GCNT4: variants seen among roughly 807,000 people sequenced by gnomAD.
GCNT4 encodes the protein glucosaminyl (N-acetyl) transferase 4.
GCNT4 carries 17 observed loss-of-function variants against 31.3 expected under a neutral mutation model. The ratio of observed to expected loss-of-function variants is 0.54; its 90% CI spans 0.37 to 0.81. GCNT4 has a LOEUF of 0.81. Among genes scored for constraint, GCNT4 ranks in the 40% least tolerant of loss-of-function variants. GCNT4 has a pLI of 0.00. For missense variants in GCNT4, 503 were observed against 525.5 expected (o/e 0.96, Z 0.42); for synonymous variants, 158 against 190.6 (o/e 0.83, Z 1.41).
At chr5:75,042,728 T>C (rs114853321) in intron 3 of GCNT4, among the ~76,000 whole-genome samples, 2,030 of 152,308 alleles carry the variant, frequency 0.013, 18 homozygotes, top group Non-Finnish European at 0.02. Context: ...TCTTCCAATG[T>C]GGTGGGGAGC....
intron 3 of GCNT4, among the ~76,000 whole-genome samples, chr5:75,033,672 T>A (rs915919562): frequency 4.1e-5 from 6 of 147,648 alleles, no homozygotes; most frequent in African/African-American, 1.0e-4. Flanking sequence ...TTTATTTATT[T>A]ATTTTTTTTT....
At chr5:75,039,819 A>C (rs1373604877) in intron 3 of GCNT4, among the ~76,000 whole-genome samples, 2 of 152,200 alleles carry the variant, frequency 1.3e-5, no homozygotes, top group Non-Finnish European at 2.9e-5. Flanking sequence ...ACTGTAGCCA[A>C]AATGATTTTT....
chr5:75,053,231 C>T (rs981310726), upstream of GCNT4, among the ~76,000 whole-genome samples: 14 of 151,864 alleles, frequency 9.2e-5, no homozygotes, highest in Non-Finnish European at 2.1e-4. Flanking sequence ...GGTCGCCCAC[C>T]CGGCCCGTGA....
intron 2 of GCNT4, among the ~76,000 whole-genome samples, 192 bp from the exon 3 acceptor site, chr5:75,048,229 C>A (rs1219703970): frequency 6.6e-6 from 1 of 152,030 alleles, no homozygotes; most frequent in Non-Finnish European, 1.5e-5. Context: ...AACCCCTCAA[C>A]CAGGATATCA....
Position 75,026,412 on chromosome 5 carries a change from C to T in GCNT4, c.*2264G>A, listed in dbSNP as rs1451898386. 6.6e-6 allele frequency: 1 copy of T among 152,026 alleles called. No individual in the cohort carries two copies. The allele number at this position is 152,026 out of a possible 1,614,324, so 9.4% of individuals were successfully genotyped here. On this transcript the variant is annotated 3_prime_UTR_variant, in exon 4 of 4. Coordinates refer to ENST00000652361, the MANE Select transcript of GCNT4 (RefSeq NM_001366737.1). ...GTAACCCTATTGGCTTAGAAAGAAACCCCAAATGGGGTTACAGGAGTTTCC... is the reference window on the plus strand; with the variant it reads ...GTAACCCTATTGGCTTAGAAAGAAATCCCAAATGGGGTTACAGGAGTTTCC...
intron 3 of GCNT4, chr5:75,030,769 T>G (rs1379178950): frequency 2.4e-5 from 4 of 167,068 alleles, no homozygotes; most frequent in Non-Finnish European, 5.9e-5. Flanking sequence ...TTGGCAATAC[T>G]TGTCAGTTTT....
At position 75,029,857 on chromosome 5, in the gene GCNT4, T is replaced by C. The variant is rs762887839; in HGVS notation, c.181A>G (p.Thr61Ala). 3.1e-6 allele frequency: 5 copies of C among 1,613,924 alleles called. No individual in the cohort carries two copies. In the East Asian group the frequency reaches 6.7e-5, roughly 22 times the overall value. ...TACCTGACTTCATCCTTAACATGAG[T>C]GTATCTGTTTCTTACAAAAGGCGAG... is the stretch of plus-strand genomic sequence containing the variant. ...STSPFVRNRY[T>A]HVKDEVRYEV... The change falls in exon 4 of 4, where the codon ACT becomes GCT. Residue 61 changes from threonine (T) to alanine (A), a missense_variant. Transcript: ENST00000652361.
At chr5:75,022,786 C>T (rs1235948641), downstream of GCNT4, among the ~76,000 whole-genome samples, 1 of 152,202 alleles carries the variant, frequency 6.6e-6, no homozygotes, top group African/African-American at 2.4e-5. Flanking sequence ...GGTAGGTAGT[C>T]TTGGATGATT....
chr5:75,039,782 C>T (rs188271409), intron 3 of GCNT4, among the ~76,000 whole-genome samples: 10 of 152,282 alleles, frequency 6.6e-5, no homozygotes, highest in Admixed American at 6.5e-4. Flanking sequence ...CCTGGCTTCC[C>T]TTGCTTTCCT....
At chr5:75,033,774 C>T (rs1743132663) in intron 3 of GCNT4, among the ~76,000 whole-genome samples, 1 of 151,742 alleles carries the variant, frequency 6.6e-6, no homozygotes, top group Admixed American at 6.6e-5. Context: ...ACCTATCAAC[C>T]CGTCATCTAG....
intron 3 of GCNT4, among the ~76,000 whole-genome samples, chr5:75,036,659 G>T (rs1204231355): frequency 6.6e-6 from 1 of 152,204 alleles, no homozygotes; most frequent in African/African-American, 2.4e-5. Flanking sequence ...TTTCCATGGA[G>T]AATGAGCCTG....
At chr5:75,045,944 C>A (rs115739518) in intron 3 of GCNT4, among the ~76,000 whole-genome samples, 1 of 151,504 alleles carries the variant, frequency 6.6e-6, no homozygotes, top group African/African-American at 2.4e-5. Context: ...TTTTTTTTTA[C>A]ATTCAGGGAT....
intron 3 of GCNT4, among the ~76,000 whole-genome samples, chr5:75,043,390 A>C (rs1743362779): frequency 6.6e-6 from 1 of 152,336 alleles, no homozygotes; most frequent in Non-Finnish European, 1.5e-5. Flanking sequence ...TTCTTTACTA[A>C]GAGAACCCTA....
chr5:75,040,028 C>G (rs536584026), intron 3 of GCNT4, among the ~76,000 whole-genome samples: 19 of 152,256 alleles, frequency 1.2e-4, no homozygotes, highest in African/African-American at 4.3e-4. Flanking sequence ...CTAAGCAACA[C>G]CAGCCTTCTA....
chr5:75,044,622 T>C lies in GCNT4; in HGVS notation c.-2+3275A>G, dbSNP rs768874313. Among the ~76,000 whole-genome samples, 5 of 152,014 alleles carry C rather than the reference T, an allele frequency of 3.3e-5. No individual in the cohort carries two copies. The South Asian group carries it at 6.2e-4, about 19-fold the overall frequency. On this transcript the variant is annotated intron_variant, in intron 3 of 3. Transcript: ENST00000652361. ...AAGCATTTGAAGCAGCCCAGTGTCATTGACCAGTGGCCATTCTGTAAACAA... is the reference window on the plus strand; with the variant it reads ...AAGCATTTGAAGCAGCCCAGTGTCACTGACCAGTGGCCATTCTGTAAACAA...
At chr5:75,024,828 G>A (rs1255899119), downstream of GCNT4, among the ~76,000 whole-genome samples, 1 of 151,820 alleles carries the variant, frequency 6.6e-6, no homozygotes, top group Non-Finnish European at 1.5e-5. Context: ...GCGGGCACCT[G>A]TAATCCCAGT....
chr5:75,028,688 A>G lies in GCNT4; in HGVS notation c.1350T>C (p.Thr450=), dbSNP rs1221051935. ...SEKLFMDRNL[T]TTS is the part of the protein sequence containing the mutation. Reference sequence around the variant, plus strand: ...CCTGATTTTACTATCATGATGTGGTAGTGAGATTTCTATCCATAAATAACT... The same window carrying G: ...CCTGATTTTACTATCATGATGTGGTGGTGAGATTTCTATCCATAAATAACT... Residue 450 remains threonine (T), a synonymous_variant, in exon 4 of 4, where the codon ACT becomes ACC. Transcript: ENST00000652361. 3 of 1,611,274 alleles carry G rather than the reference A, an allele frequency of 1.9e-6. No homozygotes were observed. The highest frequency in any genetic ancestry group is 1.1e-5 in the South Asian group (1 of 90,564).
chr5:75,024,584 GCTC>G (rs1742919826), downstream of GCNT4, among the ~76,000 whole-genome samples: 1 of 152,140 alleles, frequency 6.6e-6, no homozygotes, highest in Non-Finnish European at 1.5e-5. Context: ...CAGAGCAGAA[GCTC>G]ATCAGGAATC....
intron 3 of GCNT4, among the ~76,000 whole-genome samples, chr5:75,046,330 A>G (rs559427734): frequency 1.3e-5 from 2 of 152,312 alleles, no homozygotes; most frequent in South Asian, 4.1e-4. Flanking sequence ...GGGGGTGTAG[A>G]GAAAGGACAC....
Sources: allele counts gnomAD v4.1 joint callset (sites outside exome capture counted in the v4.1 genomes callset), GRCh38; gene constraint gnomAD v4.1.1; transcripts MANE v1.5; gene names NCBI Gene and HGNC (gene_info 2026-07-23, HGNC 2026-07-21).